Variants in ESRP1 observed in about 807,000 individuals in gnomAD.
ESRP1 encodes the protein epithelial splicing regulatory protein 1.
In ESRP1, 33 loss-of-function variants were observed where a neutral mutation model predicts 81.7. The ratio of observed to expected loss-of-function variants is 0.40; its 90% CI spans 0.31 to 0.54. ESRP1 has a LOEUF of 0.54. ESRP1 is among the 20% of genes least tolerant of loss of function. The pLI, the probability that ESRP1 is intolerant of heterozygous loss-of-function variation, is 0.41. For synonymous variants in ESRP1, 320 were observed against 303.3 expected (o/e 1.06, Z -0.57); for missense variants, 672 against 833.1 (o/e 0.81, Z 2.38).
chr8:94,654,660 G>T (rs1818309991), intron 4 of ESRP1, among the ~76,000 whole-genome samples: 2 of 151,804 alleles, frequency 1.3e-5, no homozygotes, highest in South Asian at 4.2e-4. Flanking sequence ...AGTGGCTCAT[G>T]CCTGTAATCT....
chr8:94,694,654 A>T (rs1270607623), intron 14 of ESRP1, among the ~76,000 whole-genome samples: 2 of 152,192 alleles, frequency 1.3e-5, no homozygotes, highest in African/African-American at 4.8e-5. Flanking sequence ...TACCACAACC[A>T]TGCAATCGGG....
intron 4 of ESRP1, among the ~76,000 whole-genome samples, chr8:94,657,472 C>CATGT (rs143972225): frequency 1.4e-4 from 20 of 146,156 alleles, no homozygotes; most frequent in African/African-American, 4.9e-4. Context: ...AGGCTGTGTG[C>CATGT]GTGTGTGTGT....
intron 13 of ESRP1, among the ~76,000 whole-genome samples, chr8:94,680,731 A>G (rs1432971607): frequency 2.0e-5 from 3 of 152,096 alleles, no homozygotes; most frequent in Non-Finnish European, 4.4e-5. Flanking sequence ...TCGGTGAAAA[A>G]CATTAATTTC....
chr8:94,652,174 T>G (rs1175959990), intron 4 of ESRP1, among the ~76,000 whole-genome samples: 6 of 151,114 alleles, frequency 4.0e-5, no homozygotes, highest in Non-Finnish European at 3.0e-5. Flanking sequence ...TTTTAGTAGG[T>G]ACGGGGTTTC....
At position 94,696,958 on chromosome 8, in the gene ESRP1, G is replaced by A. The variant is rs1219511918; in HGVS notation, c.*32G>A. The A allele has an allele frequency of 6.4e-7, 1 of 1,555,622 alleles. No homozygotes were observed. The highest frequency in any genetic ancestry group is 8.7e-7 in the Non-Finnish European group (1 of 1,148,918). On this transcript the variant is annotated 3_prime_UTR_variant, in exon 15 of 16. Coordinates refer to ENST00000433389, the MANE Select transcript of ESRP1 (RefSeq NM_017697.4). Reference sequence around the variant, plus strand: ...CAGCAGTTAGAACATCCTCAGAAAAGAAGGTAAGGCTTTATGATGTGCAAG... The same window carrying A: ...CAGCAGTTAGAACATCCTCAGAAAAAAAGGTAAGGCTTTATGATGTGCAAG...
At chr8:94,669,874 C>CAAAAAAAAAAA (rs1263306176) in intron 10 of ESRP1, among the ~76,000 whole-genome samples, 1 of 89,638 alleles carries the variant, frequency 1.1e-5, no homozygotes, top group Non-Finnish European at 2.3e-5. Flanking sequence ...CTCCCGCTAC[C>CAAAAAAAAAAA]AAAAAAAAAA....
chr8:94,664,550 G>T, intron 6 of ESRP1, 147 bp from the exon 7 acceptor site: 1 of 632,416 alleles, frequency 1.6e-6, no homozygotes, highest in Non-Finnish European at 2.8e-6. Flanking sequence ...AATTTTTGAG[G>T]TTATAAGGAA....
intron 13 of ESRP1, among the ~76,000 whole-genome samples, chr8:94,691,016 T>C (rs1194883075): frequency 6.6e-6 from 1 of 152,148 alleles, no homozygotes; most frequent in Non-Finnish European, 1.5e-5. Flanking sequence ...ATTATCTAAC[T>C]CTTAGTTTCT....
At chr8:94,697,675 AAT>A (rs1362790244) in intron 15 of ESRP1, among the ~76,000 whole-genome samples, 3 of 152,276 alleles carry the variant, frequency 2.0e-5, no homozygotes, top group African/African-American at 7.2e-5. Context: ...TAATTATTTG[AAT>A]ATCTGTTTTT....
chr8:94,704,339 G>C (rs1420957631), intron 15 of ESRP1, among the ~76,000 whole-genome samples: 1 of 152,036 alleles, frequency 6.6e-6, no homozygotes, highest in African/African-American at 2.4e-5. Flanking sequence ...ATGTGTGGTG[G>C]CTCACACATG....
At chr8:94,672,812 C>A (rs1421002759) in intron 11 of ESRP1, among the ~76,000 whole-genome samples, 1 of 152,218 alleles carries the variant, frequency 6.6e-6, no homozygotes, top group Non-Finnish European at 1.5e-5. Flanking sequence ...GGATTACAGG[C>A]GTAAGCCGCC....
At chr8:94,659,988 TG>T (rs2130595969) in intron 4 of ESRP1, among the ~76,000 whole-genome samples, 1 of 152,226 alleles carries the variant, frequency 6.6e-6, no homozygotes, top group Admixed American at 6.5e-5. Flanking sequence ...TAGCAGAGAT[TG>T]GTTTATGAGA....
chr8:94,647,414 A>G (rs7004872), intron 4 of ESRP1, among the ~76,000 whole-genome samples: 69,996 of 151,798 alleles, frequency 0.46, 18,321 homozygotes, highest in South Asian at 0.69. Flanking sequence ...AATACCATAG[A>G]CCACGGAGCT....
At chr8:94,679,223 A>G (rs1410747744) in intron 13 of ESRP1, among the ~76,000 whole-genome samples, 4 of 152,266 alleles carry the variant, frequency 2.6e-5, no homozygotes, top group Non-Finnish European at 2.9e-5. Context: ...TTTTTAAAAC[A>G]TTAATGCTAT....
At chr8:94,658,193 G>A (rs1413633428) in intron 4 of ESRP1, among the ~76,000 whole-genome samples, 4 of 150,756 alleles carry the variant, frequency 2.7e-5, no homozygotes, top group East Asian at 1.9e-4. Flanking sequence ...GATTACAGGC[G>A]TGAGCCACCA....
At chr8:94,666,861 T>C (rs1338407077) in intron 9 of ESRP1, among the ~76,000 whole-genome samples, 2 of 152,222 alleles carry the variant, frequency 1.3e-5, no homozygotes, top group Non-Finnish European at 2.9e-5. Context: ...AAGTCAATTG[T>C]TTATATCATT....
chr8:94,679,688 G>A (rs535030081), intron 13 of ESRP1, among the ~76,000 whole-genome samples: 2 of 151,944 alleles, frequency 1.3e-5, no homozygotes, highest in Admixed American at 1.3e-4. Flanking sequence ...TTTAAAATTT[G>A]TATTGTGCTC....
chr8:94,695,371 T>TTTTTTTTTTTTTTTTTTTTTTTTTC (rs1351009238), intron 14 of ESRP1, among the ~76,000 whole-genome samples: 1 of 111,996 alleles, frequency 8.9e-6, no homozygotes. Context: ...TTTTTTTTTT[T>TTTTTTTTTTTTTTTTTTTTTTTTTC]TGAGACGGAG....
At chr8:94,703,224 G>A (rs769404561) in intron 15 of ESRP1, among the ~76,000 whole-genome samples, 6 of 150,628 alleles carry the variant, frequency 4.0e-5, no homozygotes, top group Middle Eastern at 3.4e-3. Context: ...GCGCAATCTC[G>A]GCTCACTGCA....
Sources: allele counts gnomAD v4.1 joint callset (sites outside exome capture counted in the v4.1 genomes callset), GRCh38; gene constraint gnomAD v4.1.1; transcripts MANE v1.5; gene names NCBI Gene and HGNC (gene_info 2026-07-23, HGNC 2026-07-21).